Variants in NREP observed in about 807,000 individuals in gnomAD.
NREP encodes neuronal regeneration related protein.
Under a neutral mutation model 8.6 loss-of-function variants are expected in NREP, and 5 were observed. That is an observed-to-expected ratio of 0.58 (90% CI 0.30 to 1.22). The LOEUF (loss-of-function observed/expected upper bound fraction) is 1.22. NREP is among the 50% of genes most tolerant of loss of function. The probability of loss-of-function intolerance (pLI) is 0.07; values close to 1 mark genes in which losing one functional copy is unlikely to be tolerated. For synonymous variants in NREP, 27 were observed against 28.0 expected, an observed-to-expected ratio of 0.96 and a Z score of 0.11; for missense variants, 86 against 82.5, an observed-to-expected ratio of 1.04 and a Z score of -0.17.
intron 2 of NREP, among the ~76,000 whole-genome samples, chr5:111,949,892 A>G (rs898043866): frequency 6.6e-6 from 1 of 152,066 alleles, no homozygotes; most frequent in Non-Finnish European, 1.5e-5. Context: ...ATAAACATAC[A>G]TGTGCACGTG....
intron 2 of NREP, among the ~76,000 whole-genome samples, chr5:111,832,764 G>A (rs1484584588): frequency 1.1e-4 from 17 of 152,210 alleles, no homozygotes; most frequent in Admixed American, 1.0e-3. Context: ...ATGCCTGATA[G>A]CATCTCTGAA....
In NREP at chr5:111,909,498, T is replaced by G. The variant is rs1381439563; in HGVS notation, c.135+65776A>C. 2.0e-5 allele frequency among the ~76,000 whole-genome samples: 3 copies of G among 152,206 alleles called. No individual in the cohort carries two copies. In the East Asian group the frequency reaches 5.8e-4, roughly 29 times the overall value. The stretch of plus-strand genomic sequence containing the variant: ...GTTAAAATAAAATGCAATCAGCTTC[T>G]ATATCTGTTAGTGTATTTAGCAGCT... On this transcript the variant is annotated intron_variant, in intron 2 of 3. Transcript: ENST00000395634.
At chr5:111,756,108 G>T in intron 1 of NREP, 1 of 1,120,906 alleles carries the variant, frequency 8.9e-7, no homozygotes, top group South Asian at 3.1e-5. Flanking sequence ...AAAAGGTTTA[G>T]CAACTTAAAA....
At chr5:111,877,905 G>A (rs2112507788) in intron 2 of NREP, among the ~76,000 whole-genome samples, 1 of 152,318 alleles carries the variant, frequency 6.6e-6, no homozygotes, top group African/African-American at 2.4e-5. Flanking sequence ...CTGGAGTATG[G>A]CATCCCCAGC....
At chr5:111,931,724 C>T (rs1755542241) in intron 2 of NREP, among the ~76,000 whole-genome samples, 1 of 152,098 alleles carries the variant, frequency 6.6e-6, no homozygotes, top group South Asian at 2.1e-4. Flanking sequence ...CAAACAAAGG[C>T]ATAGTAATTG....
rs548454639 is a variant in NREP at position 111,938,180 on chromosome 5, G to A, written c.135+37094C>T. Among the ~76,000 whole-genome samples the A allele has an allele frequency of 1.1e-3, 166 of 152,050 alleles. 1 individual carries two copies. The highest frequency in any genetic ancestry group is 3.8e-3 in the African/African-American group (159 of 41,502). ...CTGGCCATGCTCACCCAGGGCACTG[G>A]ACTTCTGCCCCCTGCTGCACTCCTC... On this transcript the variant is annotated intron_variant, in intron 2 of 3. Coordinates refer to the NREP transcript ENST00000395634.
At chr5:111,750,308 C>G (rs1750278228) in intron 2 of NREP, among the ~76,000 whole-genome samples, 1 of 152,152 alleles carries the variant, frequency 6.6e-6, no homozygotes, top group African/African-American at 2.4e-5. Flanking sequence ...AGGACTGGTC[C>G]TAAGTCCTAG....
At chr5:111,750,728 CA>C (rs1750309382) in intron 2 of NREP, among the ~76,000 whole-genome samples, 1 of 152,162 alleles carries the variant, frequency 6.6e-6, no homozygotes, top group Non-Finnish European at 1.5e-5. Context: ...TAGAAAGTTC[CA>C]ATACTGGGAG....
chr5:111,954,153 A>T (rs1309791381), intron 2 of NREP, among the ~76,000 whole-genome samples: 1 of 152,166 alleles, frequency 6.6e-6, no homozygotes, highest in African/African-American at 2.4e-5. Flanking sequence ...AGATGGAAAA[A>T]TATAGGCTCT....
At chr5:111,776,804 A>G (rs780531218) in intron 2 of NREP, among the ~76,000 whole-genome samples, 31 of 152,318 alleles carry the variant, frequency 2.0e-4, no homozygotes, top group Admixed American at 7.8e-4. Flanking sequence ...TGGGGCATGG[A>G]AGACCATTCT....
At chr5:111,964,648 G>C (rs1354521983) in intron 2 of NREP, among the ~76,000 whole-genome samples, 1 of 152,016 alleles carries the variant, frequency 6.6e-6, no homozygotes, top group Non-Finnish European at 1.5e-5. Context: ...GGGATTACAG[G>C]AGTGAGCTAC....
intron 2 of NREP, among the ~76,000 whole-genome samples, chr5:111,801,177 A>G (rs1227073523): frequency 6.6e-6 from 1 of 152,248 alleles, no homozygotes; most frequent in African/African-American, 2.4e-5. Context: ...AAAGAGAAAG[A>G]GAAAGAATTT....
At chr5:111,761,119 T>C (rs899641783), upstream of NREP, among the ~76,000 whole-genome samples, 5 of 152,208 alleles carry the variant, frequency 3.3e-5, no homozygotes, top group African/African-American at 1.2e-4. Context: ...TCAGTTGGAG[T>C]TCATACCATA....
intron 2 of NREP, among the ~76,000 whole-genome samples, chr5:111,914,603 T>C (rs138117542): frequency 1.9e-3 from 284 of 152,244 alleles, no homozygotes; most frequent in Middle Eastern, 6.8e-3. Context: ...AGGTTATAAA[T>C]GACCCTGTCT....
chr5:111,784,110 G>A (rs1473156637), intron 2 of NREP, among the ~76,000 whole-genome samples: 1 of 152,184 alleles, frequency 6.6e-6, no homozygotes, highest in East Asian at 1.9e-4. Flanking sequence ...AATAATCTGG[G>A]AATTCAAGCT....
chr5:111,734,787 C>A (rs1347444185), intron 3 of NREP: 2 of 689,496 alleles, frequency 2.9e-6, no homozygotes, highest in South Asian at 3.1e-5. Flanking sequence ...ACTCTCCCCG[C>A]TTGAAGTCAA....
intron 2 of NREP, among the ~76,000 whole-genome samples, chr5:111,848,325 A>C (rs979199663): frequency 6.6e-6 from 1 of 152,220 alleles, no homozygotes; most frequent in Non-Finnish European, 1.5e-5. Context: ...TTATTTAAAA[A>C]GAAAAACACA....
chr5:111,969,452 G>A (rs1203263221), intron 2 of NREP: 2 of 152,124 alleles, frequency 1.3e-5, no homozygotes, highest in African/African-American at 2.4e-5. Flanking sequence ...TATAATCTTG[G>A]GTTGTATTAA....
upstream of NREP, among the ~76,000 whole-genome samples, chr5:111,761,986 G>A (rs1345295435): frequency 6.6e-6 from 1 of 152,198 alleles, no homozygotes; most frequent in Non-Finnish European, 1.5e-5. Context: ...TAATTTGGCG[G>A]ATGGATTTGA....
Sources: allele counts gnomAD v4.1 joint callset (sites outside exome capture counted in the v4.1 genomes callset), GRCh38; gene constraint gnomAD v4.1.1; transcripts MANE v1.5; gene names NCBI Gene and HGNC (gene_info 2026-07-23, HGNC 2026-07-21).